Variants in FAP observed in about 807,000 individuals in gnomAD.
FAP encodes fibroblast activation protein alpha, also known as prolyl endopeptidase FAP.
Under a neutral mutation model 126.5 loss-of-function variants are expected in FAP, and 110 were observed. The ratio of observed to expected loss-of-function variants is 0.87; its 90% CI spans 0.74 to 1.02. The LOEUF (loss-of-function observed/expected upper bound fraction) is 1.02, where lower values mean the gene tolerates loss of function less well. Ranked by LOEUF, FAP falls within the 50% of genes least tolerant of loss-of-function variation. The pLI is 0.00. For missense variants in FAP, 919 were observed against 909.2 expected (o/e 1.01, Z -0.14); for synonymous variants, 334 against 297.3 (o/e 1.12, Z -1.27).
chr2:162,199,468 A>T (rs34687012), intron 15 of FAP, among the ~76,000 whole-genome samples: 2 of 152,214 alleles, frequency 1.3e-5, no homozygotes, highest in Admixed American at 1.3e-4. Context: ...GCCAATCTGC[A>T]CTGCCCACAT....
chr2:162,221,141 C>T (rs1486375237), intron 6 of FAP, among the ~76,000 whole-genome samples: 1 of 152,040 alleles, frequency 6.6e-6, no homozygotes, highest in Non-Finnish European at 1.5e-5. Context: ...TGGAAAGTGA[C>T]CATTGGTGCT....
chr2:162,241,682 A>T (rs1366645363), intron 2 of FAP, among the ~76,000 whole-genome samples: 1 of 152,234 alleles, frequency 6.6e-6, no homozygotes, highest in Non-Finnish European at 1.5e-5. Flanking sequence ...TATGAGGGAA[A>T]TGTGGCCCCA....
intron 21 of FAP, among the ~76,000 whole-genome samples, chr2:162,179,245 GTTTTTTT>G (rs10708873): frequency 1.8e-5 from 2 of 108,840 alleles, no homozygotes; most frequent in South Asian, 3.1e-4. Context: ...AACTTGACAG[GTTTTTTT>G]TTTTTTTTTT....
intron 6 of FAP, chr2:162,221,520 G>C: frequency 5.8e-6 from 2 of 344,654 alleles, no homozygotes; most frequent in Non-Finnish European, 1.2e-5. Context: ...ACGAGACCCT[G>C]TCTCAAAAAA....
At chr2:162,228,291 T>C (rs2106290658) in intron 2 of FAP, among the ~76,000 whole-genome samples, 1 of 152,280 alleles carries the variant, frequency 6.6e-6, no homozygotes, top group African/African-American at 2.4e-5. Context: ...TATTATGAGG[T>C]ACTGGACTAG....
chr2:162,201,468 C>A (rs1688495924), intron 14 of FAP, among the ~76,000 whole-genome samples: 1 of 152,152 alleles, frequency 6.6e-6, no homozygotes, highest in South Asian at 2.1e-4. Flanking sequence ...CCCATCATCC[C>A]TTTTCCTTGC....
intron 16 of FAP, among the ~76,000 whole-genome samples, chr2:162,196,677 T>C (rs1688265446): frequency 1.3e-5 from 2 of 152,150 alleles, no homozygotes; most frequent in African/African-American, 4.8e-5. Context: ...ATTTTACCTG[T>C]TTTGATCCTA....
At chr2:162,175,772 G>A (rs1687462869) in intron 21 of FAP, 1 of 152,114 alleles carries the variant, frequency 6.6e-6, no homozygotes, top group Non-Finnish European at 1.5e-5. Flanking sequence ...ATGGAAATTT[G>A]AACCTTTTCT....
rs1023240513 is a variant in FAP, at chr2:162,240,071, G to T, written c.91+2837C>A. Among the ~76,000 whole-genome samples, 17 of 152,284 alleles carry T rather than the reference G, an allele frequency of 1.1e-4. No individual in the cohort carries two copies. In the South Asian group the frequency reaches 3.5e-3, roughly 32 times the overall value. ...TGTTGCATATTCACAGACGAAGAGG[G>T]GTGATGCTTGTGAAGAAGAACCTCA... On this transcript the variant is annotated intron_variant, in intron 2 of 25. Transcript: ENST00000188790.
chr2:162,180,878 T>C (rs1269361839), intron 21 of FAP, among the ~76,000 whole-genome samples: 1 of 152,140 alleles, frequency 6.6e-6, no homozygotes, highest in Non-Finnish European at 1.5e-5. Flanking sequence ...GCCAGGGATC[T>C]GGAAGTCATC....
rs114732653 is a variant in FAP, at chr2:162,228,952, G to A, written c.92-2331C>T. On this transcript the variant is annotated intron_variant, in intron 2 of 25. Transcript: ENST00000188790. ...ATTTAGTTTGTGCCTACACAATCCT[G>A]AATATCTAGATGGAAAATTTAAAAA... Among the ~76,000 whole-genome samples the A allele has an allele frequency of 3.7e-3, 559 of 152,206 alleles. 3 individuals carry two copies. The highest frequency in any genetic ancestry group is 0.013 in the African/African-American group (521 of 41,540).
chr2:162,221,701 A>C (rs755656940), intron 6 of FAP: 1 of 456,720 alleles, frequency 2.2e-6, no homozygotes, highest in South Asian at 1.5e-5. Flanking sequence ...AAGCCATCAC[A>C]GCTGCCATTT....
At chr2:162,210,099 A>G (rs1576171423) in intron 11 of FAP, 103 bp from the exon 12 acceptor site, 3 of 910,062 alleles carry the variant, frequency 3.3e-6, no homozygotes, top group Middle Eastern at 3.0e-4. Context: ...ATCAGAGTAT[A>G]CCATTACTAG....
At position 162,218,074 on chromosome 2, in the gene FAP, T is replaced by C; in HGVS notation, c.674A>G (p.Glu225Gly). ...SPNGKFLAYA[E>G]FNDTDIPVIA... ...AACTGGTATATCCGTATCATTAAATTCCGCATATGCCAAAAATTTTCCATT... is the reference window on the plus strand; with the variant it reads ...AACTGGTATATCCGTATCATTAAATCCCGCATATGCCAAAAATTTTCCATT... The change falls in exon 9 of 26, where the codon GAA becomes GGA. Residue 225 changes from glutamate to glycine, a missense_variant. By Grantham distance (98) the Glu-to-Gly change is moderately conservative. Transcript: ENST00000188790. 1 of 1,609,478 alleles carries C rather than the reference T, an allele frequency of 6.2e-7. No homozygotes were observed. The highest frequency in any genetic ancestry group is 1.3e-5 in the African/African-American group (1 of 74,880).
intron 2 of FAP, among the ~76,000 whole-genome samples, chr2:162,227,486 C>T (rs1329834997): frequency 1.3e-5 from 2 of 152,104 alleles, no homozygotes; most frequent in African/African-American, 4.8e-5. Context: ...CCTTTTTTAT[C>T]AATATTGCCA....
chr2:162,222,481 G>T (rs908941035), intron 6 of FAP, among the ~76,000 whole-genome samples: 1 of 152,170 alleles, frequency 6.6e-6, no homozygotes, highest in Non-Finnish European at 1.5e-5. Flanking sequence ...AAATTTGAAA[G>T]AAGTAGATAG....
rs1378428787 is a variant in FAP, at chr2:162,184,606, C to T, written c.1815-1138G>A. Among the ~76,000 whole-genome samples the T allele has an allele frequency of 2.0e-5, 3 of 152,170 alleles. No homozygotes were observed. The East Asian group carries it at 5.8e-4, about 29-fold the overall frequency. On this transcript the variant is annotated intron_variant, in intron 20 of 25. Coordinates refer to ENST00000188790, the MANE Select transcript of FAP (RefSeq NM_004460.5). Reference sequence around the variant, plus strand: ...TACCCGACACTGATTCTGAAGGACACTGAGGAGTCTACAGAGAAGAAATGC... The same window carrying T: ...TACCCGACACTGATTCTGAAGGACATTGAGGAGTCTACAGAGAAGAAATGC...
At chr2:162,225,648 CCTCT>C in intron 3 of FAP, 71 bp from the exon 4 acceptor site, 2 of 1,437,672 alleles carry the variant, frequency 1.4e-6, no homozygotes, top group Non-Finnish European at 1.9e-6. Flanking sequence ...ACAAAAGAAA[CCTCT>C]CTATTTCACA....
At chr2:162,179,807 TATATA>T (rs1360248882) in intron 21 of FAP, among the ~76,000 whole-genome samples, 32 of 140,080 alleles carry the variant, frequency 2.3e-4, no homozygotes, top group Middle Eastern at 3.6e-3. Flanking sequence ...TATATATATA[TATATA>T]TTTTTTTTTT....
Sources: allele counts gnomAD v4.1 joint callset (sites outside exome capture counted in the v4.1 genomes callset), GRCh38; gene constraint gnomAD v4.1.1; transcripts MANE v1.5; gene names NCBI Gene and HGNC (gene_info 2026-07-23, HGNC 2026-07-21).